Variants in ECH1 observed in about 807,000 individuals in gnomAD.
ECH1 encodes the protein enoyl-CoA hydratase 1, also known as delta(3,5)-Delta(2,4)-dienoyl-CoA isomerase, mitochondrial.
ECH1 carries 30 observed loss-of-function variants against 37.0 expected under a neutral mutation model. The observed-to-expected ratio is 0.81, with a 90% CI of 0.61 to 1.10. The LOEUF (loss-of-function observed/expected upper bound fraction) is 1.10. Among genes scored for constraint, ECH1 ranks in the 50% least tolerant of loss-of-function variants. The pLI is 0.00. For synonymous variants in ECH1, 178 were observed against 176.0 expected (o/e 1.01, Z -0.09); for missense variants, 456 against 441.6 (o/e 1.03, Z -0.29).
At chr19:38,828,404 G>A (rs771645112) in intron 3 of ECH1, among the ~76,000 whole-genome samples, 2 of 151,528 alleles carry the variant, frequency 1.3e-5, no homozygotes, top group African/African-American at 2.4e-5. Context: ...GAAAATTTTT[G>A]TATTTTTAGT....
intron 3 of ECH1, among the ~76,000 whole-genome samples, chr19:38,829,517 T>C (rs992554268): frequency 6.6e-6 from 1 of 151,274 alleles, no homozygotes; most frequent in African/African-American, 2.4e-5. Flanking sequence ...AATTGGAGAA[T>C]TGAAAACTAC....
At chr19:38,829,136 T>G (rs1971780092) in intron 3 of ECH1, among the ~76,000 whole-genome samples, 1 of 151,022 alleles carries the variant, frequency 6.6e-6, no homozygotes, top group Non-Finnish European at 1.5e-5. Context: ...AATATAAAAA[T>G]TAGCCAGGCG....
chr19:38,816,169 C>A, intron 8 of ECH1, 115 bp downstream of exon 8: 1 of 1,485,838 alleles, frequency 6.7e-7, no homozygotes, highest in Non-Finnish European at 9.1e-7. Context: ...ATGAGCTCAC[C>A]AAGAAAGGAT....
At chr19:38,820,185 C>A (rs1737981400) in intron 3 of ECH1, 1 of 167,152 alleles carries the variant, frequency 6.0e-6, no homozygotes, top group African/African-American at 2.4e-5. Context: ...CTCAGCCTCC[C>A]TAGTAGCTGG....
intron 3 of ECH1, among the ~76,000 whole-genome samples, chr19:38,827,217 T>C (rs1971752183): frequency 6.6e-6 from 1 of 152,170 alleles, no homozygotes; most frequent in South Asian, 2.1e-4. Context: ...TCTTCCCCAC[T>C]GAGTTGGGAA....
At chr19:38,827,313 T>C (rs959527488) in intron 3 of ECH1, among the ~76,000 whole-genome samples, 70 of 149,230 alleles carry the variant, frequency 4.7e-4, no homozygotes, top group African/African-American at 1.5e-3. Context: ...AATCAGTGTA[T>C]GAAATATTTT....
At chr19:38,821,052 G>A (rs1335212166) in intron 3 of ECH1, among the ~76,000 whole-genome samples, 1 of 152,244 alleles carries the variant, frequency 6.6e-6, no homozygotes, top group Non-Finnish European at 1.5e-5. Flanking sequence ...GCTGAGGCAG[G>A]AGGATCGCTT....
In ECH1 at chr19:38,831,298, G is replaced by C; in HGVS notation, c.260+11C>G. ...CCCCGCAGGCAGGCCTCCAGGATCT[G>C]CAGGTCAGACCTCCAGAAGACCTTG... On this transcript the variant is annotated intron_variant, in intron 2 of 9. Transcript: ENST00000221418. 1 of 1,608,202 alleles carries C rather than the reference G, an allele frequency of 6.2e-7. No individual in the cohort carries two copies.
Position 38,815,696 on chromosome 19 carries a change from GCATGCT to G in ECH1, c.898_903del (p.Ser300_Met301del). ...GACTTCACGAGGTCTTGGGTCTGCAGCATGCTCATGTTCCAGGACGCCTGGTACCGA... is the reference window on the plus strand; with the variant it reads ...GACTTCACGAGGTCTTGGGTCTGCAGCATGTTCCAGGACGCCTGGTACCGA... On this transcript the variant is annotated inframe_deletion, in exon 10 of 10. Coordinates refer to ENST00000221418, the MANE Select transcript of ECH1 (RefSeq NM_001398.3). 1 of 1,614,198 alleles carries G rather than the reference GCATGCT, an allele frequency of 6.2e-7. No individual in the cohort carries two copies. Among genetic ancestry groups the G allele is most frequent in the South Asian group, 1.1e-5 (1 of 91,082 alleles).
At chr19:38,817,270 G>A (rs1971591471) in intron 5 of ECH1, 46 bp downstream of exon 5, 1 of 1,530,714 alleles carries the variant, frequency 6.5e-7, no homozygotes. Context: ...CGGAGCAGCA[G>A]CCCCACCTGG....
In ECH1 at chr19:38,827,666, TTTG is replaced by T. The variant is rs767547470; in HGVS notation, c.349+3409_349+3411del. Among the ~76,000 whole-genome samples, 5 of 152,020 alleles carry T rather than the reference TTTG, an allele frequency of 3.3e-5. No individual in the cohort carries two copies. The East Asian group carries it at 9.6e-4, about 29-fold the overall frequency. On this transcript the variant is annotated intron_variant, in intron 3 of 9. Transcript: ENST00000221418. Reference sequence around the variant, plus strand: ...AATCTCTTGCTGGGAGATGTATGTTTTTGTTGTTGTTTTTGTTTTGAGATGGGT... The same window carrying T: ...AATCTCTTGCTGGGAGATGTATGTTTTTGTTGTTTTTGTTTTGAGATGGGT...
intron 3 of ECH1, chr19:38,818,478 CTTT>C (rs146936045): frequency 2.4e-4 from 163 of 690,556 alleles, no homozygotes; most frequent in Non-Finnish European, 2.8e-4. Flanking sequence ...GTCAGATCCT[CTTT>C]TTTTTTATTT....
At chr19:38,819,223 G>A (rs904764907) in intron 3 of ECH1, 3 of 985,308 alleles carry the variant, frequency 3.0e-6, no homozygotes, top group African/African-American at 1.7e-5. Flanking sequence ...TTCTCATTGA[G>A]AAGGTGACCT....
chr19:38,828,784 A>G (rs1971774261), intron 3 of ECH1, among the ~76,000 whole-genome samples: 1 of 150,786 alleles, frequency 6.6e-6, no homozygotes, highest in African/African-American at 2.4e-5. Context: ...CCTGGCTAAT[A>G]TTCTTTTTTT....
chr19:38,831,426 C>CCGAGG lies in ECH1; in HGVS notation c.138_142dup (p.Gly48AlafsTer15). 1.9e-6 allele frequency: 3 copies of CCGAGG among 1,614,084 alleles called. No homozygotes were observed. The highest frequency in any genetic ancestry group is 2.5e-6 in the Non-Finnish European group (3 of 1,180,024). On this transcript the variant is annotated frameshift_variant, in exon 2 of 10. Coordinates refer to ENST00000221418, the MANE Select transcript of ECH1 (RefSeq NM_001398.3). LOFTEE classifies it high-confidence loss of function. Reference sequence around the variant, plus strand: ...CTCATAGCTGTGGTCTGGGGCTTCACCGAGGGCTACTCCGGAAGCCTCCTC... The same window carrying CCGAGG: ...CTCATAGCTGTGGTCTGGGGCTTCACCGAGGCGAGGGCTACTCCGGAAGCCTCCTC...
At chr19:38,818,373 T>C (rs758798189) in intron 3 of ECH1, 9 of 985,440 alleles carry the variant, frequency 9.1e-6, no homozygotes, top group Non-Finnish European at 1.1e-5. Flanking sequence ...GCATCAGTTG[T>C]TCTCCATGAG....
intron 3 of ECH1, 35 bp from the exon 4 acceptor site, chr19:38,817,610 C>T: frequency 6.4e-7 from 1 of 1,558,424 alleles, no homozygotes; most frequent in African/African-American, 1.4e-5. Context: ...CATCCAGGCT[C>T]CCAGGCCCCA....
In ECH1 at chr19:38,815,936, C is replaced by T; in HGVS notation, c.803G>A (p.Ser268Asn). 6.2e-7 allele frequency: 1 copy of T among 1,614,190 alleles called. No individual in the cohort carries two copies. The highest frequency in any genetic ancestry group is 1.3e-5 in the African/African-American group (1 of 75,058). Residue 268 changes from serine to asparagine, a missense_variant, in exon 9 of 10, where the codon AGC becomes AAC. Physicochemically the swap from Ser to Asn is conservative, Grantham distance 46 (BLOSUM62 1). Coordinates refer to ENST00000221418, the MANE Select transcript of ECH1 (RefSeq NM_001398.3). ...CTTGGTGCTCTGCACCGCCACGGGGCTCTTGCTGGAAATCTCGGCCGCCAG... is the reference window on the plus strand; with the variant it reads ...CTTGGTGCTCTGCACCGCCACGGGGTTCTTGCTGGAAATCTCGGCCGCCAG... ...LALAAEISSK[S>N]PVAVQSTKVN...
chr19:38,827,157 A>T (rs1319312078), intron 3 of ECH1, among the ~76,000 whole-genome samples: 1 of 150,946 alleles, frequency 6.6e-6, no homozygotes, highest in East Asian at 2.0e-4. Flanking sequence ...AAAGAAAGGG[A>T]CCTGGGAATA....
Sources: allele counts gnomAD v4.1 joint callset (sites outside exome capture counted in the v4.1 genomes callset), GRCh38; gene constraint gnomAD v4.1.1; transcripts MANE v1.5; gene names NCBI Gene and HGNC (gene_info 2026-07-23, HGNC 2026-07-21).